ADAM7: variants seen among roughly 807,000 people sequenced by gnomAD.
ADAM7 encodes the protein ADAM metallopeptidase domain 7.
Under a neutral mutation model 102.9 loss-of-function variants are expected in ADAM7, and 97 were observed. The ratio of observed to expected loss-of-function variants is 0.94; its 90% CI spans 0.80 to 1.12. The LOEUF (loss-of-function observed/expected upper bound fraction) is 1.12. ADAM7 is among the 50% of genes most tolerant of loss of function. ADAM7 has a pLI of 0.00. For synonymous variants in ADAM7, 334 were observed against 304.4 expected (o/e 1.10, Z -1.01); for missense variants, 991 against 908.7 (o/e 1.09, Z -1.16).
intron 10 of ADAM7, among the ~76,000 whole-genome samples, chr8:24,486,705 AG>A (rs770108554): frequency 8.5e-5 from 13 of 152,154 alleles, no homozygotes; most frequent in Non-Finnish European, 1.6e-4. Context: ...ACCCGGTAGA[AG>A]GGGCATGGAT....
chr8:24,488,054 A>G (rs1316923898), intron 11 of ADAM7, among the ~76,000 whole-genome samples: 5 of 151,958 alleles, frequency 3.3e-5, no homozygotes, highest in Non-Finnish European at 7.4e-5. Context: ...TGGCATTTCA[A>G]CTCCCACTCC....
At chr8:24,485,098 CACA>C (rs1820091833) in intron 9 of ADAM7, among the ~76,000 whole-genome samples, 176 bp from the exon 10 acceptor site, 1 of 152,080 alleles carries the variant, frequency 6.6e-6, no homozygotes, top group African/African-American at 2.4e-5. Context: ...TCTAATATCC[CACA>C]GGTTAAAGAT....
intron 2 of ADAM7, 136 bp downstream of exon 2, chr8:24,442,712 G>A (rs1818417094): frequency 1.0e-5 from 7 of 694,926 alleles, no homozygotes; most frequent in South Asian, 1.0e-4. Context: ...CATACACCAT[G>A]TGCTTGGGAA....
Position 24,492,111 on chromosome 8 carries a change from C to T in ADAM7, c.1552+13C>T, listed in dbSNP as rs769349214. ...CTATTTGATGATGGTGAGAGATAATCACAGTGAAGTATTCACACAGATGGT... is the reference window on the plus strand; with the variant it reads ...CTATTTGATGATGGTGAGAGATAATTACAGTGAAGTATTCACACAGATGGT... On this transcript the variant is annotated intron_variant, in intron 14 of 21. Coordinates refer to ENST00000175238, the MANE Select transcript of ADAM7 (RefSeq NM_003817.4). 1 of 1,607,204 alleles carries T rather than the reference C, an allele frequency of 6.2e-7. No individual in the cohort carries two copies. Among genetic ancestry groups the T allele is most frequent in the East Asian group, 2.2e-5 (1 of 44,806 alleles).
Position 24,441,031 on chromosome 8 carries a change from T to C in ADAM7, c.-78T>C. 7.3e-7 allele frequency: 1 copy of C among 1,362,802 alleles called. No homozygotes were observed. Among genetic ancestry groups the C allele is most frequent in the Non-Finnish European group, 1.0e-6 (1 of 953,174 alleles). The allele number at this position is 1,362,802 out of a possible 1,614,324, so 84.4% of individuals were successfully genotyped here. The stretch of plus-strand genomic sequence containing the variant: ...ACCTATCTGTGAGGTGCTTCATCCC[T>C]GCAGTGGAAGTGAGGAGGAAGAAAG... On this transcript the variant is annotated 5_prime_UTR_variant, in exon 1 of 22. Coordinates refer to ENST00000175238, the MANE Select transcript of ADAM7 (RefSeq NM_003817.4).
At chr8:24,487,967 T>G (rs1386981176) in intron 11 of ADAM7, among the ~76,000 whole-genome samples, 2 of 152,160 alleles carry the variant, frequency 1.3e-5, no homozygotes, top group Non-Finnish European at 2.9e-5. Context: ...CTATAATGTC[T>G]TCCTTCACAT....
intron 3 of ADAM7, among the ~76,000 whole-genome samples, chr8:24,453,145 C>T (rs888204975): frequency 1.2e-4 from 18 of 151,842 alleles, no homozygotes; most frequent in African/African-American, 3.1e-4. Context: ...TTGCTCTTCT[C>T]GAGGAGTATC....
intron 7 of ADAM7, among the ~76,000 whole-genome samples, chr8:24,472,924 G>T (rs943994147): frequency 1.3e-5 from 2 of 151,772 alleles, no homozygotes; most frequent in Non-Finnish European, 2.9e-5. Flanking sequence ...ATAAATAAAA[G>T]TTACACTTTA....
intron 4 of ADAM7, among the ~76,000 whole-genome samples, chr8:24,464,238 G>A (rs1819349527): frequency 6.6e-6 from 1 of 152,126 alleles, no homozygotes; most frequent in Non-Finnish European, 1.5e-5. Context: ...CTAGGAGAGG[G>A]TAAAGCAGGA....
chr8:24,476,643 G>A (rs1019038509), intron 8 of ADAM7, 139 bp downstream of exon 8: 20 of 506,822 alleles, frequency 3.9e-5, no homozygotes, highest in Middle Eastern at 4.7e-4. Context: ...AAAAATCCAC[G>A]GGAAAAAATA....
chr8:24,450,544 T>C (rs1461119486), intron 3 of ADAM7, among the ~76,000 whole-genome samples: 1 of 152,080 alleles, frequency 6.6e-6, no homozygotes, highest in Non-Finnish European at 1.5e-5. Context: ...CTTAAGGAGA[T>C]TTTGGGCTGA....
intron 3 of ADAM7, among the ~76,000 whole-genome samples, chr8:24,449,101 C>T (rs191019793): frequency 5.3e-4 from 81 of 152,166 alleles, no homozygotes; most frequent in African/African-American, 1.7e-3. Flanking sequence ...TGAATAGAGC[C>T]GCAATAAACA....
intron 7 of ADAM7, among the ~76,000 whole-genome samples, chr8:24,472,320 A>G (rs1210407079): frequency 6.6e-6 from 1 of 152,040 alleles, no homozygotes; most frequent in African/African-American, 2.4e-5. Flanking sequence ...TCATGTACAA[A>G]TAACATATTT....
chr8:24,456,488 C>T (rs557660110), intron 3 of ADAM7, among the ~76,000 whole-genome samples: 8 of 152,248 alleles, frequency 5.3e-5, no homozygotes, highest in Admixed American at 2.0e-4. Flanking sequence ...TACGTAAACA[C>T]CCACAAGTGG....
chr8:24,490,528 T>C (rs897808486), intron 12 of ADAM7: 3 of 328,556 alleles, frequency 9.1e-6, no homozygotes, highest in Non-Finnish European at 1.1e-5. Context: ...TGGAGATAAT[T>C]AGGATAACTG....
intron 20 of ADAM7, among the ~76,000 whole-genome samples, chr8:24,502,590 A>C (rs1000693099): frequency 6.6e-6 from 1 of 152,070 alleles, no homozygotes; most frequent in African/African-American, 2.4e-5. Flanking sequence ...TAAGTTGATA[A>C]TTAGAAAATA....
chr8:24,493,345 A>G (rs1820435090), intron 16 of ADAM7, 116 bp downstream of exon 16: 2 of 920,132 alleles, frequency 2.2e-6, no homozygotes, highest in Non-Finnish European at 3.1e-6. Flanking sequence ...AAAAATATTG[A>G]CAAGTATTTT....
At chr8:24,468,326 A>G (rs1228175974) in intron 6 of ADAM7, among the ~76,000 whole-genome samples, 1 of 151,760 alleles carries the variant, frequency 6.6e-6, no homozygotes, top group African/African-American at 2.4e-5. Context: ...GTATGTGTTT[A>G]TGATTATTTA....
intron 17 of ADAM7, 59 bp downstream of exon 17, chr8:24,499,375 C>T (rs1820668739): frequency 1.5e-6 from 2 of 1,356,686 alleles, no homozygotes; most frequent in East Asian, 2.4e-5. Context: ...ACTTTATTCC[C>T]CAGCCTATAT....
Sources: allele counts gnomAD v4.1 joint callset (sites outside exome capture counted in the v4.1 genomes callset), GRCh38; gene constraint gnomAD v4.1.1; transcripts MANE v1.5; gene names NCBI Gene and HGNC (gene_info 2026-07-23, HGNC 2026-07-21).